STAC: variants seen among roughly 807,000 people sequenced by gnomAD.
STAC encodes the protein SH3 and cysteine-rich domain-containing protein.
STAC carries 43 observed loss-of-function variants against 48.8 expected under a neutral mutation model. The ratio of observed to expected loss-of-function variants is 0.88; its 90% CI spans 0.69 to 1.14. The LOEUF is 1.14. Ranked by LOEUF, STAC falls within the 50% of genes most tolerant of loss-of-function variation. The pLI, the probability that STAC is intolerant of heterozygous loss-of-function variation, is 0.00. For synonymous variants in STAC, 193 were observed against 179.5 expected, an observed-to-expected ratio of 1.07 and a Z score of -0.60; for missense variants, 497 against 504.0, an observed-to-expected ratio of 0.99 and a Z score of 0.13.
intron 8 of STAC, among the ~76,000 whole-genome samples, chr3:36,507,390 C>A (rs904068051): frequency 5.3e-5 from 8 of 151,928 alleles, no homozygotes; most frequent in African/African-American, 1.9e-4. Context: ...TTTTTTGTTG[C>A]ATCTCTGCCA....
At chr3:36,432,381 A>G (rs902851160) in intron 1 of STAC, among the ~76,000 whole-genome samples, 2 of 152,180 alleles carry the variant, frequency 1.3e-5, no homozygotes, top group African/African-American at 4.8e-5. Flanking sequence ...AGGCTCCTCT[A>G]TCTCTGCACA....
intron 8 of STAC, among the ~76,000 whole-genome samples, chr3:36,515,974 CCTTTT>C (rs1698662143): frequency 8.2e-6 from 1 of 122,222 alleles, no homozygotes; most frequent in African/African-American, 3.1e-5. Context: ...TCATTTTTCT[CCTTTT>C]TTTTTTTTTT....
intron 6 of STAC, 69 bp from the exon 7 acceptor site, chr3:36,504,324 T>A: frequency 3.6e-6 from 5 of 1,388,820 alleles, no homozygotes; most frequent in Non-Finnish European, 5.1e-6. Flanking sequence ...AATAAAGCCA[T>A]CTTTCAGGAA....
At chr3:36,532,444 T>G (rs1048957513) in intron 10 of STAC, among the ~76,000 whole-genome samples, 1 of 152,206 alleles carries the variant, frequency 6.6e-6, no homozygotes, top group Non-Finnish European at 1.5e-5. Flanking sequence ...GTCATCAATG[T>G]GCTGACATGA....
chr3:36,426,430 CATTT>C (rs1700565856), intron 1 of STAC, among the ~76,000 whole-genome samples: 1 of 152,214 alleles, frequency 6.6e-6, no homozygotes, highest in African/African-American at 2.4e-5. Flanking sequence ...AATCAAAAAC[CATTT>C]ACTAAGTTCC....
intron 10 of STAC, among the ~76,000 whole-genome samples, chr3:36,532,142 A>G (rs1159398446): frequency 1.3e-5 from 2 of 152,120 alleles, no homozygotes; most frequent in Non-Finnish European, 1.5e-5. Context: ...AACAATTGCT[A>G]TATCGAATTA....
chr3:36,519,283 A>G (rs1698745345), intron 8 of STAC, among the ~76,000 whole-genome samples: 1 of 152,236 alleles, frequency 6.6e-6, no homozygotes, highest in Non-Finnish European at 1.5e-5. Context: ...CTGCCTTAAA[A>G]CTTGGCAATG....
intron 1 of STAC, among the ~76,000 whole-genome samples, chr3:36,399,727 T>TA (rs1382365270): frequency 3.3e-5 from 5 of 152,314 alleles, no homozygotes; most frequent in African/African-American, 1.2e-4. Context: ...TAGGGTAACT[T>TA]ACTCGAGAAT....
intron 2 of STAC, among the ~76,000 whole-genome samples, chr3:36,448,188 ACTTT>A (rs1696571634): frequency 2.9e-5 from 2 of 69,392 alleles, no homozygotes; most frequent in African/African-American, 4.6e-5. Context: ...ATTTTATTTT[ACTTT>A]ATTTTACTTT....
At chr3:36,525,574 C>CA (rs376370740) in intron 8 of STAC, among the ~76,000 whole-genome samples, 4 of 152,166 alleles carry the variant, frequency 2.6e-5, no homozygotes, top group African/African-American at 9.7e-5. Flanking sequence ...AGGTACCTCC[C>CA]CCAGCTTTAT....
At chr3:36,385,560 T>G (rs1322662429) in intron 1 of STAC, among the ~76,000 whole-genome samples, 1 of 144,400 alleles carries the variant, frequency 6.9e-6, no homozygotes, top group African/African-American at 2.4e-5. Flanking sequence ...GTTTATAGCT[T>G]GATGAATTTT....
chr3:36,527,836 C>T (rs1206613114), intron 8 of STAC, among the ~76,000 whole-genome samples: 2 of 151,812 alleles, frequency 1.3e-5, no homozygotes, highest in Non-Finnish European at 2.9e-5. Flanking sequence ...AGAATGTTGA[C>T]ACACACACAC....
chr3:36,527,313 A>C (rs909549213), intron 8 of STAC, among the ~76,000 whole-genome samples: 2 of 152,216 alleles, frequency 1.3e-5, no homozygotes, highest in Admixed American at 6.5e-5. Flanking sequence ...AATCCATTAT[A>C]ACATTGCATC....
chr3:36,399,130 G>T (rs1699948724), intron 1 of STAC, among the ~76,000 whole-genome samples: 1 of 152,184 alleles, frequency 6.6e-6, no homozygotes, highest in Admixed American at 6.5e-5. Context: ...AAATGGAAGA[G>T]GGAGGGGAGT....
At chr3:36,435,471 T>C (rs1700811460) in intron 1 of STAC, among the ~76,000 whole-genome samples, 2 of 152,072 alleles carry the variant, frequency 1.3e-5, no homozygotes, top group South Asian at 4.1e-4. Context: ...TTATGCATCG[T>C]CAGATTTAAT....
At chr3:36,389,373 C>T (rs1699702994) in intron 1 of STAC, among the ~76,000 whole-genome samples, 2 of 152,042 alleles carry the variant, frequency 1.3e-5, no homozygotes, top group South Asian at 4.1e-4. Flanking sequence ...CAAGGTAGTG[C>T]TCTGAGGCCT....
At chr3:36,485,738 T>C (rs1465357196) in intron 4 of STAC, 1 of 154,990 alleles carries the variant, frequency 6.5e-6, no homozygotes, top group Non-Finnish European at 1.4e-5. Context: ...TGAAGCCCAG[T>C]AGTGACAAGT....
At chr3:36,456,481 T>C (rs1467061369) in intron 2 of STAC, among the ~76,000 whole-genome samples, 4 of 152,202 alleles carry the variant, frequency 2.6e-5, no homozygotes, top group African/African-American at 9.6e-5. Flanking sequence ...TATTAGTAAC[T>C]TTCAAGGCAC....
intron 4 of STAC, 25 bp from the exon 5 acceptor site, chr3:36,486,109 A>G: frequency 1.9e-6 from 3 of 1,591,186 alleles, no homozygotes; most frequent in Non-Finnish European, 2.6e-6. Context: ...GAGCTTCCTC[A>G]GATGAACTTT....
Sources: allele counts gnomAD v4.1 joint callset (sites outside exome capture counted in the v4.1 genomes callset), GRCh38; gene constraint gnomAD v4.1.1; transcripts MANE v1.5; gene names NCBI Gene and HGNC (gene_info 2026-07-23, HGNC 2026-07-21).